NARF: variants seen among roughly 807,000 people sequenced by gnomAD.
NARF encodes the protein iron-only hydrogenase-like protein 2.
NARF carries 41 observed loss-of-function variants against 48.0 expected under a neutral mutation model. The ratio of observed to expected loss-of-function variants is 0.85; its 90% CI spans 0.66 to 1.11. The LOEUF is 1.11. Ranked by LOEUF, NARF falls within the 50% of genes least tolerant of loss-of-function variation. NARF has a pLI of 0.00. For synonymous variants in NARF, 215 were observed against 225.5 expected, an observed-to-expected ratio of 0.95 and a Z score of 0.42; for missense variants, 613 against 590.2, an observed-to-expected ratio of 1.04 and a Z score of -0.40.
upstream of NARF, chr17:82,458,638 G>C: frequency 1.2e-6 from 1 of 854,592 alleles, no homozygotes; most frequent in South Asian, 2.4e-5. Context: ...GCCCAGGGGT[G>C]CGGCTTGTCC....
At chr17:82,479,162 C>T in intron 6 of NARF, 2 of 362,682 alleles carry the variant, frequency 5.5e-6, no homozygotes, top group Non-Finnish European at 1.0e-5. Context: ...TGGTGGTTTT[C>T]CTGGGCCCAT....
At chr17:82,471,231 G>A (rs911370487) in intron 4 of NARF, among the ~76,000 whole-genome samples, 41 of 151,322 alleles carry the variant, frequency 2.7e-4, no homozygotes, top group Admixed American at 2.1e-3. Flanking sequence ...CGAGGTGGGC[G>A]GATCACGAGG....
chr17:82,487,872 G>T, intron 10 of NARF, 44 bp from the exon 11 acceptor site: 1 of 1,568,496 alleles, frequency 6.4e-7, no homozygotes, highest in Non-Finnish European at 8.7e-7. Flanking sequence ...AAGGCAGAAA[G>T]ATCGCCTGAG....
At chr17:82,476,332 G>C (rs887647753) in intron 5 of NARF, among the ~76,000 whole-genome samples, 5 of 151,874 alleles carry the variant, frequency 3.3e-5, no homozygotes, top group Admixed American at 3.3e-4. Context: ...AGTAGAGACG[G>C]GGTTGCACCA....
intron 10 of NARF, 28 bp from the exon 11 acceptor site, chr17:82,487,888 G>A: frequency 1.2e-6 from 2 of 1,611,874 alleles, no homozygotes; most frequent in East Asian, 2.2e-5. Flanking sequence ...CTGAGCCCAG[G>A]ATAAACTTAC....
intron 1 of NARF, chr17:82,459,084 C>A (rs2143804341): frequency 8.4e-7 from 1 of 1,195,976 alleles, no homozygotes; most frequent in Non-Finnish European, 1.0e-6. Flanking sequence ...CGCGGAAACG[C>A]ACGGAGACCG....
At chr17:82,474,233 A>G (rs1211813677) in intron 5 of NARF, among the ~76,000 whole-genome samples, 1 of 152,182 alleles carries the variant, frequency 6.6e-6, no homozygotes, top group Non-Finnish European at 1.5e-5. Flanking sequence ...ATGTACAAAT[A>G]ATTATGGAAT....
At chr17:82,481,608 T>TACA (rs929148042) in intron 7 of NARF, among the ~76,000 whole-genome samples, 6 of 151,820 alleles carry the variant, frequency 4.0e-5, no homozygotes, top group Admixed American at 2.6e-4. Context: ...CACATGCCTG[T>TACA]AATCCCAGCT....
At chr17:82,487,797 C>CCAAA in intron 10 of NARF, 119 bp from the exon 11 acceptor site, 2 of 505,674 alleles carry the variant, frequency 4.0e-6, no homozygotes, top group Non-Finnish European at 6.9e-6. Context: ...CCAATCTCTA[C>CCAAA]AAAAAATTTA....
rs2044163978 is a variant in NARF at position 82,489,635 on chromosome 17, A to C, written c.*1478A>C. The C allele has an allele frequency of 6.6e-6, 1 of 152,290 alleles. No homozygotes were observed. Among genetic ancestry groups the C allele is most frequent in the Non-Finnish European group, 1.5e-5 (1 of 68,108 alleles). The allele number at this position is 152,290 out of a possible 1,614,324, so 9.4% of individuals were successfully genotyped here. A position where few individuals can be genotyped will look rare whatever the true frequency, so the allele number is the denominator to read the frequency against. ...CACGGCCCTGGCCCATCCACTCGCC[A>C]TGAAGCCCTCTGTGCTCAGGGTGAT... On this transcript the variant is annotated 3_prime_UTR_variant, in exon 11 of 11. Coordinates refer to ENST00000309794, the MANE Select transcript of NARF (RefSeq NM_012336.4).
chr17:82,458,513 G>T, upstream of NARF: 1 of 382,624 alleles, frequency 2.6e-6, no homozygotes, highest in Non-Finnish European at 4.6e-6. Flanking sequence ...GGCGCCGTAC[G>T]TGGAGTGAGC....
At chr17:82,469,549 A>G (rs1488676156) in intron 4 of NARF, among the ~76,000 whole-genome samples, 1 of 152,136 alleles carries the variant, frequency 6.6e-6, no homozygotes, top group East Asian at 1.9e-4. Context: ...GTGCAAGTTC[A>G]GAAAGGGAAA....
chr17:82,458,754 G>C lies in NARF; in HGVS notation c.-50G>C, dbSNP rs765877706. ...GCGGGCAGTGGTGTCCCAGTCTCCC[G>C]GTGCTTCCCTGAGGCTGAGGCGCCC... On this transcript the variant is annotated 5_prime_UTR_variant, in exon 1 of 11. Transcript: ENST00000309794. 4.0e-5 allele frequency: 59 copies of C among 1,477,128 alleles called. No homozygotes were observed. The highest frequency in any genetic ancestry group is 3.9e-4 in the Admixed American group (15 of 38,508). The allele number at this position is 1,477,128 out of a possible 1,614,324, so 91.5% of individuals were successfully genotyped here.
rs138956649 is a variant in NARF, at chr17:82,475,681, G to A, written c.520+2983G>A. On this transcript the variant is annotated intron_variant, in intron 5 of 10. Transcript: ENST00000309794. ...GCCTGCAGCCAGTGGCTGGAGAAGAGAAAGGATTTGGTGACACATTTCTCA... is the reference window on the plus strand; with the variant it reads ...GCCTGCAGCCAGTGGCTGGAGAAGAAAAAGGATTTGGTGACACATTTCTCA... Among the ~76,000 whole-genome samples the A allele has an allele frequency of 3.3e-3, 509 of 152,322 alleles. 5 individuals are homozygous for A. The highest frequency in any genetic ancestry group is 0.012 in the African/African-American group (484 of 41,578).
Position 82,472,550 on chromosome 17 carries a change from CCT to C in NARF, c.386-8_386-7del. 1 of 1,598,550 alleles carries C rather than the reference CCT, an allele frequency of 6.3e-7. No individual in the cohort carries two copies. Among genetic ancestry groups the C allele is most frequent in the South Asian group, 1.1e-5 (1 of 88,984 alleles). ...GTACGTGATTTAAGCTGAATATGCT[CCT>C]CTCTCCTGCAGGGGTGCACTATGTA... is the stretch of plus-strand genomic sequence containing the variant. On this transcript the variant is annotated splice_polypyrimidine_tract_variant and intron_variant, in intron 4 of 10. Coordinates refer to ENST00000309794, the MANE Select transcript of NARF (RefSeq NM_012336.4).
chr17:82,473,033 C>T (rs1217512613), intron 5 of NARF, among the ~76,000 whole-genome samples: 2 of 151,996 alleles, frequency 1.3e-5, no homozygotes, highest in East Asian at 1.9e-4. Context: ...CTCCACCTCC[C>T]GGGTTCAAGC....
At chr17:82,482,389 G>A (rs2054968124) in intron 7 of NARF, 1 of 103,936 alleles carries the variant, frequency 9.6e-6, no homozygotes, top group Admixed American at 1.4e-4. Flanking sequence ...CAGAGGAAGG[G>A]CCCAGGGGCC....
intron 8 of NARF, 137 bp downstream of exon 8, chr17:82,483,916 T>A: frequency 1.4e-6 from 1 of 725,762 alleles, no homozygotes; most frequent in East Asian, 2.7e-5. Context: ...CCCAGGCCCC[T>A]GCCACAACCC....
In NARF at chr17:82,487,958, A is replaced by T. The variant is rs2044133425; in HGVS notation, c.1172A>T (p.His391Leu). The change falls in exon 11 of 11, where the codon CAT becomes CTT. Residue 391 changes from histidine (H) to leucine (L), a missense_variant. His to Leu is a moderately conservative substitution (Grantham distance 99). Coordinates refer to ENST00000309794, the MANE Select transcript of NARF (RefSeq NM_012336.4). ...GRGQAQTPDG[H>L]ADKALLRQME... ...GGCCAAGCCCAGACTCCAGACGGAC[A>T]TGCGGATAAGGCCCTGCTGCGGCAG... 6.2e-7 allele frequency: 1 copy of T among 1,614,224 alleles called. No homozygotes were observed. Among genetic ancestry groups the T allele is most frequent in the East Asian group, 2.2e-5 (1 of 44,882 alleles).
Sources: gnomAD v4.1 joint callset for allele counts (sites outside exome capture counted in the v4.1 genomes callset) on GRCh38, gnomAD v4.1.1 for gene constraint, MANE v1.5 for transcripts, NCBI Gene and HGNC (gene_info 2026-07-23, HGNC 2026-07-21) for gene names.